Variants in CSMD1 observed in about 807,000 individuals in gnomAD.
The protein encoded by CSMD1 is CUB and Sushi multiple domains 1.
CSMD1 carries 213 observed loss-of-function variants against 417.5 expected under a neutral mutation model. That is an observed-to-expected ratio of 0.51 (90% confidence interval 0.46 to 0.57). The LOEUF is 0.57. Among genes scored for constraint, CSMD1 ranks in the 20% least tolerant of loss-of-function variants. CSMD1 has a pLI of 0.00. For missense variants in CSMD1, 6,923 were observed against 4,529.7 expected (o/e 1.53, Z -15.17); for synonymous variants, 2,862 against 1,736.8 (o/e 1.65, Z -16.11).
At chr8:3,641,792 A>G (rs773290371) in intron 7 of CSMD1, among the ~76,000 whole-genome samples, 2 of 152,184 alleles carry the variant, frequency 1.3e-5, no homozygotes, top group African/African-American at 2.4e-5. Context: ...CTGGTTCTCA[A>G]AAAACCATCT....
chr8:3,226,633 CCTT>C (rs547506154), intron 27 of CSMD1, among the ~76,000 whole-genome samples: 90 of 150,500 alleles, frequency 6.0e-4, no homozygotes, highest in African/African-American at 2.1e-3. Context: ...ACAGAATTCT[CCTT>C]CTAGACTAAG....
At chr8:3,867,351 G>C (rs1162748494) in intron 5 of CSMD1, among the ~76,000 whole-genome samples, 2 of 152,114 alleles carry the variant, frequency 1.3e-5, no homozygotes, top group East Asian at 3.9e-4. Flanking sequence ...GGACAGACTG[G>C]ATGTCTCTTC....
intron 37 of CSMD1, among the ~76,000 whole-genome samples, chr8:3,175,498 TGCCTG>T (rs1820869240): frequency 8.2e-6 from 1 of 122,246 alleles, no homozygotes; most frequent in Admixed American, 9.3e-5. Flanking sequence ...CCTGCCTGCC[TGCCTG>T]CCTGCCTTTT....
chr8:3,952,885 C>G (rs889500552), intron 5 of CSMD1, among the ~76,000 whole-genome samples: 2 of 152,054 alleles, frequency 1.3e-5, no homozygotes, highest in African/African-American at 4.8e-5. Flanking sequence ...CATCTCTAAC[C>G]CAAGGCAACT....
chr8:4,286,475 T>A (rs1463014117), intron 3 of CSMD1, among the ~76,000 whole-genome samples: 1 of 152,088 alleles, frequency 6.6e-6, no homozygotes, highest in East Asian at 1.9e-4. Flanking sequence ...TTGTGCCTCT[T>A]CATTTTAATA....
intron 3 of CSMD1, among the ~76,000 whole-genome samples, chr8:4,112,126 C>T (rs1441638133): frequency 6.6e-6 from 1 of 152,156 alleles, no homozygotes; most frequent in African/African-American, 2.4e-5. Flanking sequence ...AGATCAGGGG[C>T]CCCTTCAAAG....
At chr8:3,487,040 G>A (rs903220575) in intron 11 of CSMD1, among the ~76,000 whole-genome samples, 2 of 152,060 alleles carry the variant, frequency 1.3e-5, no homozygotes, top group Non-Finnish European at 2.9e-5. Context: ...TGACACAAAA[G>A]CACTTACCTG....
chr8:3,172,046 T>C (rs191796026), intron 37 of CSMD1, among the ~76,000 whole-genome samples: 137 of 152,210 alleles, frequency 9.0e-4, no homozygotes, highest in Non-Finnish European at 1.3e-3. Context: ...ATCTACAAAA[T>C]CCTGAGAATT....
chr8:3,093,290 C>A (rs1243037186), intron 47 of CSMD1, among the ~76,000 whole-genome samples: 2 of 152,262 alleles, frequency 1.3e-5, no homozygotes, highest in Non-Finnish European at 2.9e-5. Context: ...CATCTGCAAG[C>A]CTGGGAGGGA....
intron 2 of CSMD1, among the ~76,000 whole-genome samples, chr8:4,555,421 C>G (rs1292918716): frequency 6.6e-6 from 1 of 152,060 alleles, no homozygotes; most frequent in Non-Finnish European, 1.5e-5. Flanking sequence ...TGCATGGAGA[C>G]CAGATTTGGA....
At chr8:3,590,329 A>C (rs916516332) in intron 8 of CSMD1, among the ~76,000 whole-genome samples, 1 of 152,166 alleles carries the variant, frequency 6.6e-6, no homozygotes, top group South Asian at 2.1e-4. Context: ...AGTTAAAATA[A>C]AAACACTTAG....
intron 3 of CSMD1, among the ~76,000 whole-genome samples, chr8:4,220,162 G>T (rs1477362204): frequency 6.6e-6 from 1 of 152,102 alleles, no homozygotes; most frequent in African/African-American, 2.4e-5. Flanking sequence ...TGTCGGCCAA[G>T]CTCGTCTTGA....
At chr8:4,466,217 C>G (rs1243681945) in intron 2 of CSMD1, among the ~76,000 whole-genome samples, 3 of 152,036 alleles carry the variant, frequency 2.0e-5, no homozygotes, top group Non-Finnish European at 4.4e-5. Context: ...AATAGTGAGA[C>G]AGGGATCTCT....
chr8:3,190,403 T>C (rs745779928), intron 33 of CSMD1, among the ~76,000 whole-genome samples: 1 of 152,264 alleles, frequency 6.6e-6, no homozygotes, highest in Admixed American at 6.5e-5. Flanking sequence ...TCACTTCAGA[T>C]GAGGAAAACG....
chr8:4,905,079 A>G (rs2117060425), intron 1 of CSMD1, among the ~76,000 whole-genome samples: 1 of 152,330 alleles, frequency 6.6e-6, no homozygotes, highest in South Asian at 2.1e-4. Context: ...CTGCCAGCAT[A>G]GGATCGTTCC....
chr8:4,758,316 C>T (rs139557832), intron 1 of CSMD1, among the ~76,000 whole-genome samples: 19 of 152,276 alleles, frequency 1.2e-4, no homozygotes, highest in African/African-American at 3.4e-4. Context: ...GCTTAATTCG[C>T]TGGTTCTGAT....
At chr8:3,444,819 G>A (rs930604480) in intron 12 of CSMD1, among the ~76,000 whole-genome samples, 1 of 152,114 alleles carries the variant, frequency 6.6e-6, no homozygotes, top group East Asian at 1.9e-4. Flanking sequence ...TTCTTTTATA[G>A]GAGAACCTCA....
intron 26 of CSMD1, among the ~76,000 whole-genome samples, chr8:3,245,436 C>G (rs1041980649): frequency 6.6e-6 from 1 of 152,174 alleles, no homozygotes; most frequent in Non-Finnish European, 1.5e-5. Flanking sequence ...TTTAGAAAAC[C>G]TACAACTGGA....
intron 5 of CSMD1, among the ~76,000 whole-genome samples, chr8:3,958,789 T>C (rs1205039957): frequency 1.3e-5 from 2 of 152,192 alleles, no homozygotes; most frequent in Non-Finnish European, 2.9e-5. Context: ...AGGAACGACA[T>C]TATGGCTTTA....
Sources: allele counts gnomAD v4.1 joint callset (sites outside exome capture counted in the v4.1 genomes callset), GRCh38; gene constraint gnomAD v4.1.1; transcripts MANE v1.5; gene names NCBI Gene and HGNC (gene_info 2026-07-23, HGNC 2026-07-21).